Variants in CMSS1 observed in about 807,000 individuals in gnomAD.
The protein encoded by CMSS1 is cms1 ribosomal small subunit homolog, also known as protein CMSS1.
A neutral mutation model predicts 43.5 loss-of-function variants in CMSS1; 33 were observed. That is an observed-to-expected ratio of 0.76 (90% confidence interval 0.57 to 1.01). The LOEUF (loss-of-function observed/expected upper bound fraction) is 1.01. CMSS1 is among the 50% of genes least tolerant of loss of function. The pLI, the probability that CMSS1 is intolerant of heterozygous loss-of-function variation, is 0.00. For synonymous variants in CMSS1, 115 were observed against 117.2 expected, an observed-to-expected ratio of 0.98 and a Z score of 0.12; for missense variants, 313 against 326.4, an observed-to-expected ratio of 0.96 and a Z score of 0.32.
chr3:99,999,362 AG>A (rs543345248), intron 1 of CMSS1, among the ~76,000 whole-genome samples: 30 of 152,296 alleles, frequency 2.0e-4, no homozygotes, highest in African/African-American at 7.2e-4. Context: ...CCTGCATCAG[AG>A]TCATAAGTAT....
intron 6 of CMSS1, among the ~76,000 whole-genome samples, chr3:100,170,323 T>G (rs1215526249): frequency 2.6e-5 from 4 of 152,168 alleles, no homozygotes; most frequent in African/African-American, 4.8e-5. Context: ...ATATAGATGA[T>G]ATATAGAAAT....
chr3:100,038,866 A>G (rs2065154649), intron 1 of CMSS1, among the ~76,000 whole-genome samples: 1 of 152,190 alleles, frequency 6.6e-6, no homozygotes, highest in Non-Finnish European at 1.5e-5. Context: ...GGCACAGTAC[A>G]GAACATATTG....
At chr3:100,158,335 G>A (rs1379964558) in intron 2 of CMSS1, among the ~76,000 whole-genome samples, 1 of 152,184 alleles carries the variant, frequency 6.6e-6, no homozygotes, top group East Asian at 1.9e-4. Context: ...TTCATATAAA[G>A]AAATGACATT....
intron 1 of CMSS1, among the ~76,000 whole-genome samples, chr3:100,101,532 G>A (rs1347008428): frequency 2.6e-5 from 4 of 152,142 alleles, no homozygotes; most frequent in Admixed American, 1.3e-4. Flanking sequence ...ATTCTTGATT[G>A]TGGTGGAAAT....
chr3:100,157,453 G>A (rs141095105), intron 2 of CMSS1, among the ~76,000 whole-genome samples: 1 of 152,270 alleles, frequency 6.6e-6, no homozygotes, highest in Non-Finnish European at 1.5e-5. Flanking sequence ...CATTCTTATT[G>A]AAGAGAGATA....
At chr3:99,818,256 G>A (rs893454708) in intron 1 of CMSS1, among the ~76,000 whole-genome samples, 8 of 152,244 alleles carry the variant, frequency 5.3e-5, no homozygotes, top group African/African-American at 1.7e-4. Context: ...CTGCCAGCCA[G>A]GAAGGATCCT....
intron 5 of CMSS1, among the ~76,000 whole-genome samples, chr3:100,166,806 A>G (rs1378185314): frequency 1.3e-5 from 2 of 152,080 alleles, no homozygotes; most frequent in Non-Finnish European, 2.9e-5. Flanking sequence ...GGGTCTGGTC[A>G]CAGCTCAGTG....
At chr3:99,839,117 T>C (rs1272757005) in intron 1 of CMSS1, among the ~76,000 whole-genome samples, 4 of 152,148 alleles carry the variant, frequency 2.6e-5, no homozygotes, top group African/African-American at 7.2e-5. Flanking sequence ...TTCCCCATCC[T>C]GTATCCCCTG....
chr3:99,841,649 A>C (rs1002218069), intron 1 of CMSS1, among the ~76,000 whole-genome samples: 10 of 152,238 alleles, frequency 6.6e-5, no homozygotes, highest in African/African-American at 2.4e-4. Context: ...AACAGGCGCA[A>C]TCCCATCATA....
intron 1 of CMSS1, among the ~76,000 whole-genome samples, chr3:99,821,253 A>G (rs1942433022): frequency 6.6e-6 from 1 of 152,262 alleles, no homozygotes; most frequent in South Asian, 2.1e-4. Flanking sequence ...TTGGCAGAAT[A>G]AATATATGTG....
intron 1 of CMSS1, among the ~76,000 whole-genome samples, chr3:100,112,459 G>C (rs1249596724): frequency 1.3e-5 from 2 of 152,126 alleles, no homozygotes. Context: ...TTCATTTCCA[G>C]TGCCAGCGCC....
intron 1 of CMSS1, among the ~76,000 whole-genome samples, chr3:100,088,157 T>A (rs1576041690): frequency 6.6e-6 from 1 of 152,184 alleles, no homozygotes; most frequent in Non-Finnish European, 1.5e-5. Flanking sequence ...TAAACTACTT[T>A]TGTAGGTTTT....
chr3:100,069,762 T>C (rs2065728999), intron 1 of CMSS1, among the ~76,000 whole-genome samples: 1 of 152,078 alleles, frequency 6.6e-6, no homozygotes, highest in Non-Finnish European at 1.5e-5. Context: ...ATTTCAGAAT[T>C]TGTGGTAAGA....
chr3:99,972,591 C>T (rs1339252916), intron 1 of CMSS1, among the ~76,000 whole-genome samples: 4 of 152,158 alleles, frequency 2.6e-5, no homozygotes, highest in East Asian at 1.9e-4. Context: ...GAGTAAATAA[C>T]GGTTCATGTT....
chr3:100,141,628 A>T (rs1421488445), intron 1 of CMSS1: 1 of 451,462 alleles, frequency 2.2e-6, no homozygotes. Context: ...CAAAAAGAAG[A>T]TGAAGGTAGG....
At chr3:99,831,080 C>CAAG (rs1942655031) in intron 1 of CMSS1, among the ~76,000 whole-genome samples, 1 of 152,116 alleles carries the variant, frequency 6.6e-6, no homozygotes, top group South Asian at 2.1e-4. Flanking sequence ...TAGTATGTAT[C>CAAG]AAGAGCCTTA....
chr3:100,024,716 C>G (rs1219475337), intron 1 of CMSS1, among the ~76,000 whole-genome samples: 1 of 152,168 alleles, frequency 6.6e-6, no homozygotes, highest in Non-Finnish European at 1.5e-5. Context: ...TGTGTGGGCT[C>G]AGTCCTGGTT....
At chr3:100,014,895 C>CTTTTTT (rs1233573719) in intron 1 of CMSS1, among the ~76,000 whole-genome samples, 10 of 25,008 alleles carry the variant, frequency 4.0e-4, no homozygotes, top group African/African-American at 1.1e-3. Flanking sequence ...TTCTTTCTTT[C>CTTTTTT]TTTTTTTTTT....
intron 1 of CMSS1, among the ~76,000 whole-genome samples, chr3:99,918,046 C>T (rs1490451885): frequency 5.3e-5 from 8 of 152,028 alleles, no homozygotes; most frequent in Admixed American, 6.6e-5. Flanking sequence ...GGCGTGATCT[C>T]GGCTCACTGC....
Sources: allele counts gnomAD v4.1 joint callset (sites outside exome capture counted in the v4.1 genomes callset), GRCh38; gene constraint gnomAD v4.1.1; transcripts MANE v1.5; gene names NCBI Gene and HGNC (gene_info 2026-07-23, HGNC 2026-07-21).